Variants in MIX23 observed in about 807,000 individuals in gnomAD.
MIX23 encodes the protein mitochondrial matrix import factor 23, also known as protein MIX23.
MIX23 carries 13 observed loss-of-function variants against 21.6 expected under a neutral mutation model. That is an observed-to-expected ratio of 0.60 (90% CI 0.39 to 0.96). MIX23 has a LOEUF of 0.96. Ranked by LOEUF, MIX23 falls within the 40% of genes least tolerant of loss-of-function variation. The pLI, the probability that MIX23 is intolerant of heterozygous loss-of-function variation, is 0.00. For missense variants in MIX23, 144 were observed against 171.2 expected (o/e 0.84, Z 0.89); for synonymous variants, 59 against 58.0 (o/e 1.02, Z -0.08).
intron 1 of MIX23, 32 bp downstream of exon 1, chr3:122,383,142 A>G (rs202009525): frequency 1.9e-6 from 3 of 1,613,690 alleles, no homozygotes; most frequent in East Asian, 4.5e-5. Flanking sequence ...AAAAGGAGGC[A>G]CATGCCTGCC....
chr3:122,378,030 A>C (rs2075501689), intron 1 of MIX23, among the ~76,000 whole-genome samples: 1 of 152,200 alleles, frequency 6.6e-6, no homozygotes, highest in South Asian at 2.1e-4. Flanking sequence ...TAGAGGTCAT[A>C]TGATAGGATT....
intron 4 of MIX23, among the ~76,000 whole-genome samples, chr3:122,361,608 C>T (rs1031549548): frequency 6.6e-6 from 1 of 152,048 alleles, no homozygotes; most frequent in Non-Finnish European, 1.5e-5. Context: ...TCACTCTTCC[C>T]ACTACATTTT....
At chr3:122,381,409 T>C (rs369723777) in intron 1 of MIX23, among the ~76,000 whole-genome samples, 91 of 152,238 alleles carry the variant, frequency 6.0e-4, no homozygotes, top group African/African-American at 2.0e-3. Context: ...CCTAATCCGA[T>C]AGAACTGATG....
At chr3:122,380,958 C>T (rs1411118244) in intron 1 of MIX23, among the ~76,000 whole-genome samples, 5 of 152,144 alleles carry the variant, frequency 3.3e-5, no homozygotes, top group East Asian at 1.9e-4. Context: ...CTAACTCACA[C>T]GTGACACACA....
At position 122,367,610 on chromosome 3, in the gene MIX23, G is replaced by C. The variant is rs9818537; in HGVS notation, c.324+566C>G. Reference sequence around the variant, plus strand: ...AAGTCATGTCCAAGAAAAAGCCAAAGATCCCTAGCAACTTTTACACAGTAG... The same window carrying C: ...AAGTCATGTCCAAGAAAAAGCCAAACATCCCTAGCAACTTTTACACAGTAG... On this transcript the variant is annotated intron_variant, in intron 3 of 4. Coordinates refer to ENST00000291458, the MANE Select transcript of MIX23 (RefSeq NM_001017928.4). Among the ~76,000 whole-genome samples the C allele has an allele frequency of 2.6e-5, 4 of 152,072 alleles. No individual in the cohort carries two copies. In the East Asian group the frequency reaches 7.7e-4, roughly 29 times the overall value.
intron 1 of MIX23, 47 bp from the exon 2 acceptor site, chr3:122,371,847 T>C (rs766636676): frequency 6.8e-7 from 1 of 1,468,944 alleles, no homozygotes; most frequent in South Asian, 1.2e-5. Context: ...GGAAAGTTAG[T>C]GACAAAAAAT....
chr3:122,362,805 TC>T (rs1418957407), intron 4 of MIX23, among the ~76,000 whole-genome samples, 162 bp downstream of exon 4: 1 of 112,698 alleles, frequency 8.9e-6, no homozygotes, highest in Admixed American at 8.8e-5. Context: ...CTCCCTACCC[TC>T]CCCCCAACCC....
At chr3:122,361,145 GCCTGA>G (rs1295129198) in intron 4 of MIX23, among the ~76,000 whole-genome samples, 6 of 152,074 alleles carry the variant, frequency 3.9e-5, no homozygotes, top group Non-Finnish European at 5.9e-5. Context: ...AAAGTGCTGC[GCCTGA>G]CCTATTATTC....
intron 4 of MIX23, 111 bp from the exon 5 acceptor site, chr3:122,360,030 G>A (rs1320730316): frequency 4.7e-6 from 5 of 1,062,956 alleles, no homozygotes; most frequent in Non-Finnish European, 6.9e-6. Flanking sequence ...TTTGTCCTAA[G>A]TCAACAGATT....
At chr3:122,366,819 T>C (rs574301185) in intron 3 of MIX23, 10 of 152,204 alleles carry the variant, frequency 6.6e-5, no homozygotes, top group Non-Finnish European at 1.3e-4. Flanking sequence ...TTCGCGCCCG[T>C]AGTCCCAGCT....
chr3:122,362,880 A>T, intron 4 of MIX23, 88 bp downstream of exon 4: 1 of 1,017,520 alleles, frequency 9.8e-7, no homozygotes. Flanking sequence ...TACAGCCTCA[A>T]GGCACTCTTT....
intron 1 of MIX23, among the ~76,000 whole-genome samples, chr3:122,380,041 GC>G (rs1362299243): frequency 1.3e-5 from 2 of 152,122 alleles, no homozygotes; most frequent in East Asian, 3.8e-4. Flanking sequence ...ACTTTCTGTT[GC>G]CCCTACAATT....
At chr3:122,366,700 A>G (rs2075398998) in intron 3 of MIX23, 1 of 152,184 alleles carries the variant, frequency 6.6e-6, no homozygotes, top group Non-Finnish European at 1.5e-5. Context: ...GCACTTTGGG[A>G]GGCTGAGGAA....
chr3:122,361,420 A>T (rs762228806), intron 4 of MIX23, among the ~76,000 whole-genome samples: 17 of 152,062 alleles, frequency 1.1e-4, no homozygotes, highest in Admixed American at 6.6e-4. Flanking sequence ...TGATATATAC[A>T]ACTTGGCTGA....
At chr3:122,371,850 C>T in intron 1 of MIX23, 50 bp from the exon 2 acceptor site, 4 of 1,453,638 alleles carry the variant, frequency 2.8e-6, no homozygotes, top group Non-Finnish European at 3.8e-6. Context: ...AAGTTAGTGA[C>T]AAAAAATAAG....
At chr3:122,382,733 C>T (rs1318007480) in intron 1 of MIX23, among the ~76,000 whole-genome samples, 1 of 152,182 alleles carries the variant, frequency 6.6e-6, no homozygotes, top group African/African-American at 2.4e-5. Context: ...TACGTCCTGT[C>T]CCACAAAAAT....
intron 1 of MIX23, among the ~76,000 whole-genome samples, chr3:122,377,635 G>T (rs148659702): frequency 1.3e-5 from 2 of 152,066 alleles, no homozygotes; most frequent in African/African-American, 4.8e-5. Flanking sequence ...GACTGCTTAC[G>T]GCTAGGAGTT....
intron 3 of MIX23, among the ~76,000 whole-genome samples, chr3:122,364,823 C>G (rs1163864117): frequency 6.6e-6 from 1 of 152,124 alleles, no homozygotes; most frequent in African/African-American, 2.4e-5. Context: ...CTCTTACTTA[C>G]ATCCTTGAAT....
At chr3:122,370,174 G>A (rs982174176) in intron 2 of MIX23, among the ~76,000 whole-genome samples, 11 of 152,088 alleles carry the variant, frequency 7.2e-5, no homozygotes, top group African/African-American at 2.4e-4. Context: ...GCAGACAGCC[G>A]GGCATGTTGG....
Sources: allele counts gnomAD v4.1 joint callset (sites outside exome capture counted in the v4.1 genomes callset), GRCh38; gene constraint gnomAD v4.1.1; transcripts MANE v1.5; gene names NCBI Gene and HGNC (gene_info 2026-07-23, HGNC 2026-07-21).